CELF2: variants seen among roughly 807,000 people sequenced by gnomAD.
CELF2 encodes the protein CUG triplet repeat RNA-binding protein 2.
In CELF2, 8 loss-of-function variants were observed where a neutral mutation model predicts 62.6. The ratio of observed to expected loss-of-function variants is 0.13; its 90% CI spans 0.07 to 0.23. CELF2 has a LOEUF of 0.23. Ranked by LOEUF, CELF2 falls within the 10% of genes least tolerant of loss-of-function variation. CELF2 has a pLI of 1.00. For missense variants in CELF2, 333 were observed against 671.0 expected, an observed-to-expected ratio of 0.50 and a Z score of 5.56; for synonymous variants, 258 against 250.0, an observed-to-expected ratio of 1.03 and a Z score of -0.30.
At chr10:10,954,037 C>A (rs1035073090) in intron 2 of CELF2, among the ~76,000 whole-genome samples, 4 of 151,704 alleles carry the variant, frequency 2.6e-5, no homozygotes, top group Admixed American at 6.6e-5. Context: ...CCTAATAAAG[C>A]AAATGCAAAT....
intron 1 of CELF2, among the ~76,000 whole-genome samples, chr10:10,857,012 C>G (rs1480223933): frequency 1.3e-5 from 2 of 152,020 alleles, no homozygotes; most frequent in Admixed American, 6.6e-5. Flanking sequence ...ATGAGGTAAG[C>G]TCCATAATCA....
the CELF2 span, among the ~76,000 whole-genome samples, chr10:10,648,460 G>A: frequency 6.6e-6 from 1 of 152,194 alleles, no homozygotes; most frequent in South Asian, 2.1e-4. Flanking sequence ...CATACTTATC[G>A]CTCACTAGTT....
At chr10:11,275,382 A>G (rs1304657996) in intron 8 of CELF2, among the ~76,000 whole-genome samples, 1 of 152,132 alleles carries the variant, frequency 6.6e-6, no homozygotes, top group Non-Finnish European at 1.5e-5. Flanking sequence ...ATATCAACAA[A>G]TGATTATATC....
chr10:10,822,684 A>C (rs2057062078), intron 1 of CELF2, among the ~76,000 whole-genome samples: 1 of 152,188 alleles, frequency 6.6e-6, no homozygotes, highest in African/African-American at 2.4e-5. Flanking sequence ...TCTCCTACTG[A>C]GGTTCTTTGC....
chr10:10,802,551 G>C (rs921495674), intron 1 of CELF2, among the ~76,000 whole-genome samples: 5 of 74,738 alleles, frequency 6.7e-5, no homozygotes, highest in African/African-American at 1.9e-4. Context: ...GATAAGACTT[G>C]AGAGAAAAAA....
chr10:11,301,493 A>ACCC (rs1303414036), intron 9 of CELF2, among the ~76,000 whole-genome samples: 1 of 11,056 alleles, frequency 9.0e-5, no homozygotes, highest in Non-Finnish European at 1.7e-4. Context: ...CCCCTACCGC[A>ACCC]CCCCCCCACC....
the CELF2 span, among the ~76,000 whole-genome samples, chr10:10,729,521 C>T: frequency 6.6e-6 from 1 of 152,116 alleles, no homozygotes; most frequent in African/African-American, 2.4e-5. Context: ...ATAATAACAT[C>T]ATGGCATTAT....
chr10:10,694,439 G>A, the CELF2 span, among the ~76,000 whole-genome samples: 315 of 151,934 alleles, frequency 2.1e-3, 3 homozygotes, highest in African/African-American at 7.3e-3. Flanking sequence ...CAAGTATGTG[G>A]TCAATTTTGG....
chr10:11,040,373 A>G (rs2061624181), intron 1 of CELF2, among the ~76,000 whole-genome samples: 1 of 152,252 alleles, frequency 6.6e-6, no homozygotes, highest in Non-Finnish European at 1.5e-5. Flanking sequence ...TGCTATAATA[A>G]CATCTTCACA....
intron 2 of CELF2, among the ~76,000 whole-genome samples, chr10:10,969,472 G>T (rs924170642): frequency 1.8e-4 from 28 of 152,198 alleles, no homozygotes; most frequent in Admixed American, 1.6e-3. Context: ...AGATTAGTCT[G>T]TCTCTTTAGT....
At chr10:11,313,791 A>C (rs200198448) in intron 9 of CELF2, among the ~76,000 whole-genome samples, 2 of 47,486 alleles carry the variant, frequency 4.2e-5, no homozygotes, top group Non-Finnish European at 9.1e-5. Context: ...CCATAGGCTT[A>C]AAAAAAAAAA....
chr10:10,688,332 G>A, the CELF2 span, among the ~76,000 whole-genome samples: 1 of 152,202 alleles, frequency 6.6e-6, no homozygotes, highest in African/African-American at 2.4e-5. Context: ...ATAGGGGACA[G>A]TGAAGCAAAG....
intron 2 of CELF2, among the ~76,000 whole-genome samples, chr10:10,937,075 T>C (rs1456463694): frequency 3.3e-5 from 5 of 152,004 alleles, no homozygotes; most frequent in Non-Finnish European, 7.4e-5. Flanking sequence ...ATGAATGTAA[T>C]GCTTTTATTT....
At chr10:10,621,775 C>A in the CELF2 span, among the ~76,000 whole-genome samples, 1 of 152,038 alleles carries the variant, frequency 6.6e-6, no homozygotes, top group Non-Finnish European at 1.5e-5. Context: ...AAACTCACAT[C>A]AAAAAACAGA....
the CELF2 span, among the ~76,000 whole-genome samples, chr10:10,532,571 A>G: frequency 6.6e-6 from 1 of 152,218 alleles, no homozygotes; most frequent in Non-Finnish European, 1.5e-5. Context: ...TTACATTGAG[A>G]GCAGCAGAAC....
chr10:11,274,403 C>T (rs1330331538), intron 7 of CELF2, among the ~76,000 whole-genome samples: 2 of 152,186 alleles, frequency 1.3e-5, no homozygotes, highest in Non-Finnish European at 2.9e-5. Context: ...CAGACTTTCT[C>T]ATAGGTATAT....
chr10:10,526,874 T>C, the CELF2 span, among the ~76,000 whole-genome samples: 1 of 152,214 alleles, frequency 6.6e-6, no homozygotes, highest in Non-Finnish European at 1.5e-5. Flanking sequence ...CACTCAGAGC[T>C]GGACTTCTGG....
intron 2 of CELF2, among the ~76,000 whole-genome samples, chr10:10,985,795 T>C (rs1398067049): frequency 6.6e-6 from 1 of 152,220 alleles, no homozygotes; most frequent in Non-Finnish European, 1.5e-5. Flanking sequence ...CCCATGAATG[T>C]GTGCTCACAA....
At chr10:10,873,201 A>G (rs1253819276) in intron 1 of CELF2, among the ~76,000 whole-genome samples, 1 of 152,194 alleles carries the variant, frequency 6.6e-6, no homozygotes, top group Non-Finnish European at 1.5e-5. Flanking sequence ...TTTCATGACT[A>G]GTATAAAAAA....
Sources: allele counts gnomAD v4.1 joint callset (sites outside exome capture counted in the v4.1 genomes callset), GRCh38; gene constraint gnomAD v4.1.1; transcripts MANE v1.5; gene names NCBI Gene and HGNC (gene_info 2026-07-23, HGNC 2026-07-21).